Variants in PACRG observed in about 807,000 individuals in gnomAD.
PACRG encodes the protein parkin coregulated gene protein.
In PACRG, 29 loss-of-function variants were observed where a neutral mutation model predicts 29.7. The ratio of observed to expected loss-of-function variants is 0.98; its 90% CI spans 0.73 to 1.33. The LOEUF (loss-of-function observed/expected upper bound fraction) is 1.33. PACRG is among the 40% of genes most tolerant of loss of function. PACRG has a pLI of 0.00. For missense variants in PACRG, 279 were observed against 316.2 expected (o/e 0.88, Z 0.89); for synonymous variants, 116 against 118.7 (o/e 0.98, Z 0.15).
At chr6:163,271,020 G>A (rs1783804688) in intron 4 of PACRG, among the ~76,000 whole-genome samples, 1 of 152,148 alleles carries the variant, frequency 6.6e-6, no homozygotes, top group Admixed American at 6.5e-5. Flanking sequence ...TGAAGAGCAA[G>A]GAAGCCAGTT....
intron 4 of PACRG, among the ~76,000 whole-genome samples, chr6:163,276,412 G>A (rs1784029992): frequency 6.6e-6 from 1 of 152,130 alleles, no homozygotes; most frequent in Non-Finnish European, 1.5e-5. Flanking sequence ...TTTCCACTAG[G>A]TTCGAAGTGA....
intron 4 of PACRG, among the ~76,000 whole-genome samples, chr6:163,303,200 C>T (rs907521547): frequency 4.6e-5 from 7 of 151,996 alleles, no homozygotes; most frequent in Non-Finnish European, 8.8e-5. Context: ...CGTGGTAGTG[C>T]GTGGTCCCAG....
chr6:163,236,727 A>G (rs918584204), intron 4 of PACRG, among the ~76,000 whole-genome samples: 2 of 152,208 alleles, frequency 1.3e-5, no homozygotes, highest in African/African-American at 4.8e-5. Flanking sequence ...GGTTGATTGT[A>G]TTAGTCCGTT....
chr6:163,174,877 C>A (rs1779269107), intron 4 of PACRG, among the ~76,000 whole-genome samples: 1 of 151,988 alleles, frequency 6.6e-6, no homozygotes, highest in South Asian at 2.1e-4. Flanking sequence ...GTCCTCACAG[C>A]ACACGTAAAT....
chr6:163,256,740 G>C (rs1783125458), intron 4 of PACRG, among the ~76,000 whole-genome samples: 1 of 152,196 alleles, frequency 6.6e-6, no homozygotes, highest in African/African-American at 2.4e-5. Flanking sequence ...TTCACTGTGA[G>C]GACACTGACG....
intron 2 of PACRG, among the ~76,000 whole-genome samples, chr6:162,916,847 G>C (rs537665573): frequency 3.2e-4 from 49 of 152,058 alleles, no homozygotes; most frequent in South Asian, 4.2e-4. Context: ...GAATGGAGCT[G>C]GCCCAGTGTC....
intron 4 of PACRG, among the ~76,000 whole-genome samples, chr6:163,153,964 C>T (rs1300424715): frequency 1.3e-5 from 2 of 152,184 alleles, no homozygotes; most frequent in Non-Finnish European, 2.9e-5. Flanking sequence ...AATCCAAAAG[C>T]TGAGAGGCCC....
At chr6:163,220,209 C>T (rs1364471508) in intron 4 of PACRG, among the ~76,000 whole-genome samples, 5 of 148,372 alleles carry the variant, frequency 3.4e-5, no homozygotes, top group African/African-American at 9.9e-5. Context: ...GGACAGAGGG[C>T]GGGGGTGGGG....
chr6:163,001,007 G>A (rs1040193021), intron 2 of PACRG, among the ~76,000 whole-genome samples: 5 of 152,158 alleles, frequency 3.3e-5, no homozygotes. Context: ...GGAGAGGCAA[G>A]AGTCTGCCCC....
intron 1 of PACRG, among the ~76,000 whole-genome samples, chr6:162,768,042 A>G (rs1264781843): frequency 2.0e-5 from 3 of 152,038 alleles, no homozygotes; most frequent in Non-Finnish European, 4.4e-5. Context: ...GATTGGAGAG[A>G]TGTACAAGAT....
intron 2 of PACRG, among the ~76,000 whole-genome samples, chr6:162,866,359 G>A (rs1322449499): frequency 2.6e-5 from 4 of 152,062 alleles, no homozygotes; most frequent in Non-Finnish European, 4.4e-5. Context: ...AGGCCCTACC[G>A]TCACCCATCC....
rs568285762 is a variant in PACRG at position 162,887,245 on chromosome 6, G to C, written c.291+72964G>C. Reference sequence around the variant, plus strand: ...TGCAATTATAGGTGTGAGCCACTGCGCATGGCCCCCAGTTATGTTTGAATG... The same window carrying C: ...TGCAATTATAGGTGTGAGCCACTGCCCATGGCCCCCAGTTATGTTTGAATG... On this transcript the variant is annotated intron_variant, in intron 2 of 4. Coordinates refer to ENST00000366888, the MANE Select transcript of PACRG (RefSeq NM_001080379.2). Among the ~76,000 whole-genome samples the C allele has an allele frequency of 3.9e-5, 6 of 152,242 alleles. No individual in the cohort carries two copies. The East Asian group carries it at 1.2e-3, about 29-fold the overall frequency.
chr6:163,022,433 C>A (rs76976097), intron 2 of PACRG, among the ~76,000 whole-genome samples: 1 of 152,198 alleles, frequency 6.6e-6, no homozygotes, highest in Non-Finnish European at 1.5e-5. Flanking sequence ...TAAAAGCAGT[C>A]ACCTCAGGGT....
chr6:163,240,834 A>G (rs1341641784), intron 4 of PACRG, among the ~76,000 whole-genome samples: 1 of 152,168 alleles, frequency 6.6e-6, no homozygotes, highest in Non-Finnish European at 1.5e-5. Context: ...CTCGACCAGT[A>G]TCCCCCCTCA....
At chr6:162,998,443 G>A (rs1317884877) in intron 2 of PACRG, among the ~76,000 whole-genome samples, 1 of 152,046 alleles carries the variant, frequency 6.6e-6, no homozygotes, top group Admixed American at 6.6e-5. Flanking sequence ...AATGTGAGCA[G>A]GTATTTGTTA....
At chr6:163,182,557 G>C (rs533987751) in intron 4 of PACRG, 1 of 152,014 alleles carries the variant, frequency 6.6e-6, no homozygotes, top group East Asian at 1.9e-4. Flanking sequence ...TCTTTAGTAC[G>C]GGTCTCTTTT....
At chr6:162,774,062 GT>G (rs1783451198) in intron 1 of PACRG, among the ~76,000 whole-genome samples, 1 of 152,118 alleles carries the variant, frequency 6.6e-6, no homozygotes, top group Non-Finnish European at 1.5e-5. Flanking sequence ...AACCATTTGG[GT>G]TTTGTCATAT....
intron 2 of PACRG, among the ~76,000 whole-genome samples, chr6:162,976,450 G>A (rs950273399): frequency 2.6e-5 from 4 of 152,144 alleles, no homozygotes; most frequent in Non-Finnish European, 5.9e-5. Context: ...AGTTGAGGGG[G>A]GAAGAAAGGT....
At chr6:162,824,224 T>C (rs1039676819) in intron 2 of PACRG, among the ~76,000 whole-genome samples, 1 of 152,112 alleles carries the variant, frequency 6.6e-6, no homozygotes, top group Non-Finnish European at 1.5e-5. Context: ...GTGCTTTGTC[T>C]TGAAAGGCAA....
Sources: allele counts gnomAD v4.1 joint callset (sites outside exome capture counted in the v4.1 genomes callset), GRCh38; gene constraint gnomAD v4.1.1; transcripts MANE v1.5; gene names NCBI Gene and HGNC (gene_info 2026-07-23, HGNC 2026-07-21).